Variants in ARNT2 observed in about 807,000 individuals in gnomAD.
The protein encoded by ARNT2 is aryl hydrocarbon receptor nuclear translocator 2.
ARNT2 carries 36 observed loss-of-function variants against 91.7 expected under a neutral mutation model. The ratio of observed to expected loss-of-function variants is 0.39; its 90% CI spans 0.30 to 0.52. The LOEUF is 0.52. Ranked by LOEUF, ARNT2 falls within the 20% of genes least tolerant of loss-of-function variation. The pLI, the probability that ARNT2 is intolerant of heterozygous loss-of-function variation, is 0.72. For missense variants in ARNT2, 775 were observed against 939.3 expected, an observed-to-expected ratio of 0.83 and a Z score of 2.29; for synonymous variants, 365 against 347.1, an observed-to-expected ratio of 1.05 and a Z score of -0.57.
At chr15:80,541,495 A>T (rs530564200) in intron 8 of ARNT2, among the ~76,000 whole-genome samples, 1 of 152,238 alleles carries the variant, frequency 6.6e-6, no homozygotes, top group South Asian at 2.1e-4. Flanking sequence ...TTGTTTAATT[A>T]GGTCCTACTT....
At chr15:80,489,977 T>C (rs79589821) in intron 5 of ARNT2, among the ~76,000 whole-genome samples, 2,149 of 152,272 alleles carry the variant, frequency 0.014, 52 homozygotes, top group African/African-American at 0.05. Flanking sequence ...CCTGGCGTGG[T>C]CTGGGTACTC....
intron 5 of ARNT2, among the ~76,000 whole-genome samples, chr15:80,496,302 C>T (rs1897125747): frequency 1.3e-5 from 2 of 152,192 alleles, no homozygotes; most frequent in African/African-American, 4.8e-5. Flanking sequence ...GCACCCTTCT[C>T]CCTGCTCCCA....
intron 1 of ARNT2, among the ~76,000 whole-genome samples, chr15:80,435,501 C>A (rs773492679): frequency 1.3e-5 from 2 of 152,130 alleles, no homozygotes; most frequent in African/African-American, 4.8e-5. Context: ...CCCTTTCCCA[C>A]CCCTTCCCAT....
intron 12 of ARNT2, among the ~76,000 whole-genome samples, chr15:80,564,057 C>T (rs1329705186): frequency 2.0e-5 from 3 of 152,146 alleles, no homozygotes; most frequent in Admixed American, 6.5e-5. Flanking sequence ...TCCAAGCAAA[C>T]GCAAGCATGT....
chr15:80,576,813 T>C, intron 14 of ARNT2, 53 bp from the exon 15 acceptor site: 1 of 1,578,870 alleles, frequency 6.3e-7, no homozygotes. Context: ...GCCTCCTCTG[T>C]GGTCTGCAGA....
chr15:80,427,870 G>A lies in ARNT2; in HGVS notation c.32-23010G>A, dbSNP rs149026726. ...TCTACCTCTGTGACAATTATTCCTT[G>A]TCCCTGGATGTGTCATCAGAGGGAA... On this transcript the variant is annotated intron_variant, in intron 1 of 18. Coordinates refer to ENST00000303329, the MANE Select transcript of ARNT2 (RefSeq NM_014862.4). Among the ~76,000 whole-genome samples the A allele has an allele frequency of 8.9e-3, 1,361 of 152,250 alleles. 19 individuals are homozygous for A. Among genetic ancestry groups the A allele is most frequent in the African/African-American group, 0.031 (1,284 of 41,542 alleles).
At chr15:80,454,600 G>A (rs1896455151) in intron 2 of ARNT2, among the ~76,000 whole-genome samples, 3 of 152,140 alleles carry the variant, frequency 2.0e-5, no homozygotes, top group Non-Finnish European at 2.9e-5. Flanking sequence ...CTGCAGTCTG[G>A]GCTGGCCAGT....
At position 80,551,294 on chromosome 15, in the gene ARNT2, C is replaced by G. The variant is rs138061890; in HGVS notation, c.954+19C>G. 902 of 1,605,792 alleles carry G rather than the reference C, an allele frequency of 5.6e-4. 9 individuals are homozygous for G. In the African/African-American group the frequency reaches 0.011, roughly 19 times the overall value. ...ACTCCAGGTAAGAAAAAATTCGTAGCCTTTTTAATCTTAAATGAAGGCTTA... is the reference window on the plus strand; with the variant it reads ...ACTCCAGGTAAGAAAAAATTCGTAGGCTTTTTAATCTTAAATGAAGGCTTA... On this transcript the variant is annotated intron_variant, in intron 9 of 18. Coordinates refer to ENST00000303329, the MANE Select transcript of ARNT2 (RefSeq NM_014862.4).
intron 8 of ARNT2, among the ~76,000 whole-genome samples, chr15:80,547,901 G>A (rs960813720): frequency 6.6e-6 from 1 of 152,076 alleles, no homozygotes. Flanking sequence ...AAAATTATGT[G>A]ATGGGTAAAA....
intron 8 of ARNT2, among the ~76,000 whole-genome samples, chr15:80,521,505 G>T (rs1209128646): frequency 1.3e-5 from 2 of 152,060 alleles, no homozygotes; most frequent in Non-Finnish European, 2.9e-5. Flanking sequence ...GAATAAATTT[G>T]CATCAATTTA....
chr15:80,524,187 A>C (rs1317275582), intron 8 of ARNT2, among the ~76,000 whole-genome samples: 1 of 152,222 alleles, frequency 6.6e-6, no homozygotes, highest in Admixed American at 6.5e-5. Flanking sequence ...CAGAACTGCA[A>C]AGTAAAACAA....
At chr15:80,466,175 T>G (rs1896650419) in intron 3 of ARNT2, among the ~76,000 whole-genome samples, 1 of 152,254 alleles carries the variant, frequency 6.6e-6, no homozygotes, top group South Asian at 2.1e-4. Context: ...ATTGAGATCT[T>G]ATAAAATTCT....
At chr15:80,531,350 T>C (rs1490666685) in intron 8 of ARNT2, among the ~76,000 whole-genome samples, 2 of 152,240 alleles carry the variant, frequency 1.3e-5, no homozygotes, top group Admixed American at 6.5e-5. Context: ...GTTGTTTATA[T>C]TACTCAGGAT....
chr15:80,552,177 C>T lies in ARNT2; in HGVS notation c.955-463C>T, dbSNP rs558650241. Among the ~76,000 whole-genome samples, 7 of 152,304 alleles carry T rather than the reference C, an allele frequency of 4.6e-5. No homozygotes were observed. In the South Asian group the frequency reaches 1.5e-3, roughly 32 times the overall value. ...TAATTTCATCCATGTATGGGTATTG[C>T]TTGCACATGGGTGAAGAAAGAATAT... On this transcript the variant is annotated intron_variant, in intron 9 of 18. Coordinates refer to ENST00000303329, the MANE Select transcript of ARNT2 (RefSeq NM_014862.4).
chr15:80,587,765 GGAT>G (rs1223912997), intron 17 of ARNT2, among the ~76,000 whole-genome samples: 1 of 152,208 alleles, frequency 6.6e-6, no homozygotes, highest in Non-Finnish European at 1.5e-5. Context: ...AGAAGGGGAA[GGAT>G]GTACATGACA....
intron 5 of ARNT2, among the ~76,000 whole-genome samples, chr15:80,482,421 A>G (rs1022354416): frequency 6.6e-6 from 1 of 152,150 alleles, no homozygotes; most frequent in Non-Finnish European, 1.5e-5. Context: ...TCAAGGTCCT[A>G]TGCATGGGGA....
At chr15:80,405,281 C>T (rs746029288) in intron 1 of ARNT2, among the ~76,000 whole-genome samples, 8 of 152,156 alleles carry the variant, frequency 5.3e-5, no homozygotes, top group Non-Finnish European at 7.3e-5. Context: ...AGGGAAGTTC[C>T]GTTTTCACTG....
chr15:80,435,425 G>A (rs761433267), intron 1 of ARNT2, among the ~76,000 whole-genome samples: 32 of 152,260 alleles, frequency 2.1e-4, no homozygotes, highest in Non-Finnish European at 3.2e-4. Context: ...AGCAAGGTCC[G>A]TTGCTGCTGA....
chr15:80,536,898 T>A (rs1897834661), intron 8 of ARNT2, among the ~76,000 whole-genome samples: 1 of 152,136 alleles, frequency 6.6e-6, no homozygotes, highest in Non-Finnish European at 1.5e-5. Flanking sequence ...TGGTCATTTA[T>A]CTTACATGAC....
Sources: allele counts gnomAD v4.1 joint callset (sites outside exome capture counted in the v4.1 genomes callset), GRCh38; gene constraint gnomAD v4.1.1; transcripts MANE v1.5; gene names NCBI Gene and HGNC (gene_info 2026-07-23, HGNC 2026-07-21).